NADK: variants seen among roughly 807,000 people sequenced by gnomAD.
NADK encodes the protein poly(P)/ATP NAD kinase.
In NADK, 22 loss-of-function variants were observed where a neutral mutation model predicts 49.8. The ratio of observed to expected loss-of-function variants is 0.44; its 90% CI spans 0.32 to 0.63. The LOEUF (loss-of-function observed/expected upper bound fraction) is 0.63, where lower values mean the gene tolerates loss of function less well. NADK is among the 30% of genes least tolerant of loss of function. NADK has a pLI of 0.06. For missense variants in NADK, 438 were observed against 609.4 expected (o/e 0.72, Z 2.96); for synonymous variants, 268 against 253.7 (o/e 1.06, Z -0.54).
chr1:1,753,262 G>T (rs1645386877), intron 11 of NADK, among the ~76,000 whole-genome samples: 2 of 152,128 alleles, frequency 1.3e-5, no homozygotes, highest in Non-Finnish European at 2.9e-5. Flanking sequence ...ACGGTGCAGG[G>T]AACTGACAAA....
At chr1:1,759,541 G>A (rs1645646927) in intron 3 of NADK, among the ~76,000 whole-genome samples, 1 of 152,254 alleles carries the variant, frequency 6.6e-6, no homozygotes, top group Admixed American at 6.5e-5. Flanking sequence ...CTCCTCACCA[G>A]GCGCCCCCAC....
intron 6 of NADK, chr1:1,756,054 C>G: frequency 1.6e-6 from 1 of 608,890 alleles, no homozygotes; most frequent in Non-Finnish European, 2.9e-6. Flanking sequence ...CTGGCCACCC[C>G]CAGCCGTAGC....
chr1:1,761,907 T>C lies in NADK; in HGVS notation c.263+45A>G, dbSNP rs759535352. 4.8e-5 allele frequency: 76 copies of C among 1,580,852 alleles called. No homozygotes were observed. In the Middle Eastern group the frequency reaches 6.8e-4, roughly 14 times the overall value. On this transcript the variant is annotated intron_variant, in intron 3 of 11. Coordinates refer to ENST00000341426, the MANE Select transcript of NADK (RefSeq NM_023018.5). ...GGCACTCACATGATGGTCTAGGGGT[T>C]CTCTCCCTTCCAAGAACCCCCCGTC...
chr1:1,766,916 C>T (rs1290994261), intron 1 of NADK, among the ~76,000 whole-genome samples: 1 of 151,628 alleles, frequency 6.6e-6, no homozygotes, highest in Non-Finnish European at 1.5e-5. Flanking sequence ...GGCCTAGAAC[C>T]TCATCTTTTT....
intron 3 of NADK, among the ~76,000 whole-genome samples, chr1:1,760,378 C>T (rs866034204): frequency 7.2e-5 from 11 of 152,204 alleles, no homozygotes; most frequent in South Asian, 4.1e-4. Context: ...CTGGGACGCA[C>T]GCTGCCGCGG....
intron 3 of NADK, 149 bp downstream of exon 3, chr1:1,761,803 G>T: frequency 1.5e-6 from 1 of 673,180 alleles, no homozygotes; most frequent in Non-Finnish European, 2.6e-6. Context: ...CTTCTCACAT[G>T]AAGTGCTAGA....
intron 1 of NADK, among the ~76,000 whole-genome samples, chr1:1,775,016 G>A (rs1311763111): frequency 6.6e-6 from 1 of 152,120 alleles, no homozygotes; most frequent in Non-Finnish European, 1.5e-5. Flanking sequence ...GGCCGAGGCA[G>A]GAGAATCGCT....
rs538004378 is a variant in NADK at position 1,758,297 on chromosome 1, G to A, written c.264-987C>T. Reference sequence around the variant, plus strand: ...CCCCCAGAACCACAACACAGACGCCGATGGCAGCCACAGGGCCACAGACCT... The same window carrying A: ...CCCCCAGAACCACAACACAGACGCCAATGGCAGCCACAGGGCCACAGACCT... On this transcript the variant is annotated intron_variant, in intron 3 of 11. Transcript: ENST00000341426. The A allele has an allele frequency of 1.6e-5, 25 of 1,523,260 alleles. No individual in the cohort carries two copies. In the African/African-American group the frequency reaches 1.8e-4, roughly 11 times the overall value. 94.4% of individuals were successfully genotyped at this position (1,523,260 alleles called of 1,614,324 possible). A position where few individuals can be genotyped will look rare whatever the true frequency, so the allele number is the denominator to read the frequency against.
chr1:1,759,344 G>A, intron 3 of NADK: 1 of 1,412,738 alleles, frequency 7.1e-7, no homozygotes, highest in African/African-American at 1.5e-5. Context: ...CACGGCTGTG[G>A]GTACTGCACG....
chr1:1,753,735 C>A, intron 10 of NADK, 86 bp from the exon 11 acceptor site: 2 of 1,259,636 alleles, frequency 1.6e-6, no homozygotes, highest in South Asian at 1.3e-5. Context: ...CGCCAGAGGT[C>A]GAAGGTTGGG....
At chr1:1,753,964 T>A (rs1645421756) in intron 10 of NADK, 87 bp downstream of exon 10, 9 of 1,470,114 alleles carry the variant, frequency 6.1e-6, no homozygotes, top group Non-Finnish European at 8.2e-6. Context: ...GGAGCCAGCA[T>A]GGCAGAGCGG....
intron 1 of NADK, among the ~76,000 whole-genome samples, chr1:1,774,554 A>G (rs575838877): frequency 6.6e-6 from 1 of 152,000 alleles, no homozygotes; most frequent in Non-Finnish European, 1.5e-5. Flanking sequence ...GCGCACGGCC[A>G]CCATTATGCC....
At chr1:1,774,761 G>A (rs539064863) in intron 1 of NADK, among the ~76,000 whole-genome samples, 22 of 152,308 alleles carry the variant, frequency 1.4e-4, no homozygotes, top group African/African-American at 4.6e-4. Flanking sequence ...GACACACAAT[G>A]CTAGCTGCAC....
chr1:1,755,409 T>A lies in NADK; in HGVS notation c.653A>T (p.Glu218Val). ...SLGFLTPFSFENFQSQVTQVI... is the reference protein window; with the variant it reads ...SLGFLTPFSFVNFQSQVTQVI... ...CTGAGTAACTTGGGACTGAAAGTTC[T>A]CAAAGCTGAATGGGGTCAGGAAGCC... is the stretch of plus-strand genomic sequence containing the variant. The change falls in exon 7 of 12, where the codon GAG becomes GTG. Residue 218 changes from glutamate to valine, a missense_variant. Glu to Val is a moderately radical substitution (Grantham distance 121). Transcript: ENST00000341426. 1 of 1,614,024 alleles carries A rather than the reference T, an allele frequency of 6.2e-7. No homozygotes were observed.
At chr1:1,753,111 C>A in intron 11 of NADK, 51 bp from the exon 12 acceptor site, 1 of 1,566,592 alleles carries the variant, frequency 6.4e-7, no homozygotes, top group South Asian at 1.2e-5. Flanking sequence ...AAGGCCCACC[C>A]CCGGCCAAGA....
At chr1:1,759,084 C>A in intron 3 of NADK, 2 of 1,516,892 alleles carry the variant, frequency 1.3e-6, no homozygotes, top group South Asian at 2.5e-5. Flanking sequence ...CTCTCCCCGC[C>A]AACAGTCACC....
At chr1:1,761,865 C>A (rs757102201) in intron 3 of NADK, 87 bp downstream of exon 3, 14 of 1,251,546 alleles carry the variant, frequency 1.1e-5, no homozygotes, top group Non-Finnish European at 1.6e-5. Context: ...CGAGGACTCC[C>A]CCATCCCATG....
intron 1 of NADK, among the ~76,000 whole-genome samples, chr1:1,766,587 G>A (rs1204352566): frequency 1.3e-5 from 2 of 151,940 alleles, no homozygotes; most frequent in African/African-American, 2.4e-5. Context: ...CTTGCATCGT[G>A]AATTCAGCGC....
At chr1:1,763,144 C>T (rs377447805) in intron 2 of NADK, among the ~76,000 whole-genome samples, 2 of 152,258 alleles carry the variant, frequency 1.3e-5, no homozygotes, top group African/African-American at 4.8e-5. Flanking sequence ...GTGACACAGG[C>T]GTGGCCATCA....
Sources: allele counts gnomAD v4.1 joint callset (sites outside exome capture counted in the v4.1 genomes callset), GRCh38; gene constraint gnomAD v4.1.1; transcripts MANE v1.5; gene names NCBI Gene and HGNC (gene_info 2026-07-23, HGNC 2026-07-21).